The following LPCAT2 variants were observed in gnomAD, a reference collection of about 807,000 sequenced individuals.
The protein encoded by LPCAT2 is 1-AGP acyltransferase 11.
LPCAT2 carries 58 observed loss-of-function variants against 64.7 expected under a neutral mutation model. The observed-to-expected ratio is 0.90, with a 90% CI of 0.73 to 1.12. The LOEUF (loss-of-function observed/expected upper bound fraction) is 1.12. Among genes scored for constraint, LPCAT2 ranks in the 50% most tolerant of loss-of-function variants. The pLI is 0.00. For missense variants in LPCAT2, 579 were observed against 669.8 expected (o/e 0.86, Z 1.50); for synonymous variants, 252 against 245.3 (o/e 1.03, Z -0.26).
In LPCAT2 at chr16:55,564,265, G is replaced by C. The variant is rs189938548; in HGVS notation, c.1216-10366G>C. Among the ~76,000 whole-genome samples the C allele has an allele frequency of 1.7e-3, 252 of 151,980 alleles. 2 individuals carry two copies. The highest frequency in any genetic ancestry group is 5.8e-3 in the African/African-American group (239 of 41,554). On this transcript the variant is annotated intron_variant, in intron 11 of 13. Transcript: ENST00000262134. ...GATTAGAAGACAATATTAAGAGTCA[G>C]TACTTCCCACAGTGATCTACAGATT...
At chr16:55,541,796 A>C (rs559449101) in intron 8 of LPCAT2, 14 of 1,114,766 alleles carry the variant, frequency 1.3e-5, no homozygotes, top group Non-Finnish European at 1.5e-5. Context: ...GCACATAGTA[A>C]GTGTTCAATA....
chr16:55,541,823 TTCTG>T, intron 8 of LPCAT2: 1 of 1,277,940 alleles, frequency 7.8e-7, no homozygotes, highest in South Asian at 1.3e-5. Context: ...AACTTTTACT[TTCTG>T]TCTCATCTAG....
chr16:55,547,667 C>A (rs998044164), intron 9 of LPCAT2, among the ~76,000 whole-genome samples: 1 of 152,054 alleles, frequency 6.6e-6, no homozygotes, highest in African/African-American at 2.4e-5. Context: ...TGTTATAAGT[C>A]CCAAAATATT....
At chr16:55,570,415 G>C (rs1179684232) in intron 11 of LPCAT2, among the ~76,000 whole-genome samples, 1 of 152,114 alleles carries the variant, frequency 6.6e-6, no homozygotes, top group Non-Finnish European at 1.5e-5. Context: ...TTTGAGCCCA[G>C]TAGTTCAAGA....
chr16:55,519,617 G>A (rs904820637), intron 1 of LPCAT2, among the ~76,000 whole-genome samples: 2 of 152,062 alleles, frequency 1.3e-5, no homozygotes, highest in Non-Finnish European at 2.9e-5. Context: ...AAGAGCACTG[G>A]AAATGGTAAA....
intron 7 of LPCAT2, 39 bp downstream of exon 7, chr16:55,534,516 T>TA (rs1442917089): frequency 1.0e-6 from 1 of 984,500 alleles, no homozygotes; most frequent in East Asian, 2.6e-5. Flanking sequence ...ATATAAATTT[T>TA]ATTTTAGTGA....
intron 9 of LPCAT2, among the ~76,000 whole-genome samples, chr16:55,547,314 G>C (rs1383016763): frequency 1.3e-5 from 2 of 152,174 alleles, no homozygotes; most frequent in Non-Finnish European, 2.9e-5. Context: ...TTGATTAGCT[G>C]CACAACTTTG....
chr16:55,572,758 C>A (rs1963784791), intron 11 of LPCAT2, among the ~76,000 whole-genome samples: 1 of 152,118 alleles, frequency 6.6e-6, no homozygotes, highest in African/African-American at 2.4e-5. Context: ...GAGTTCAAGC[C>A]TGTAGTGCGC....
chr16:55,554,292 C>A (rs1272005776), intron 11 of LPCAT2, among the ~76,000 whole-genome samples: 2 of 152,146 alleles, frequency 1.3e-5, no homozygotes, highest in Non-Finnish European at 2.9e-5. Context: ...CATTAAAAGG[C>A]CATTTCATCT....
At chr16:55,513,800 G>T (rs1451433073) in intron 1 of LPCAT2, among the ~76,000 whole-genome samples, 1 of 152,128 alleles carries the variant, frequency 6.6e-6, no homozygotes, top group East Asian at 1.9e-4. Flanking sequence ...GTCATTACTG[G>T]TCAGTCTGGT....
chr16:55,530,045 G>A lies in LPCAT2; in HGVS notation c.642+98G>A, dbSNP rs2142380492. 7.5e-6 allele frequency: 6 copies of A among 802,712 alleles called. No homozygotes were observed. In the South Asian group the frequency reaches 1.1e-4, roughly 14 times the overall value. The allele number at this position is 802,712 out of a possible 1,614,324, so 49.7% of individuals were successfully genotyped here. A position where few individuals can be genotyped will look rare whatever the true frequency, so the allele number is the denominator to read the frequency against. On this transcript the variant is annotated intron_variant, in intron 4 of 13. Coordinates refer to ENST00000262134, the MANE Select transcript of LPCAT2 (RefSeq NM_017839.5). ...GGATCCACAGATAGCAATATCTGTG[G>A]ACACCTATACTAGGTATTGTTAGCA...
chr16:55,559,932 A>G (rs1247193333), intron 11 of LPCAT2, among the ~76,000 whole-genome samples: 1 of 152,124 alleles, frequency 6.6e-6, no homozygotes, highest in African/African-American at 2.4e-5. Context: ...AGTATTTTCT[A>G]TGTCTGAGTG....
At chr16:55,524,320 G>A (rs1963138599) in intron 1 of LPCAT2, among the ~76,000 whole-genome samples, 1 of 151,946 alleles carries the variant, frequency 6.6e-6, no homozygotes, top group Non-Finnish European at 1.5e-5. Flanking sequence ...AATGCATGAT[G>A]TATGATTCCA....
At chr16:55,536,936 T>C (rs1264051691) in intron 7 of LPCAT2, among the ~76,000 whole-genome samples, 1 of 152,170 alleles carries the variant, frequency 6.6e-6, no homozygotes, top group African/African-American at 2.4e-5. Flanking sequence ...AACTAAAACA[T>C]TTATTAATAA....
At position 55,532,883 on chromosome 16, in the gene LPCAT2, G is replaced by C; in HGVS notation, c.762+1G>C. The C allele has an allele frequency of 6.2e-7, 1 of 1,610,694 alleles. No individual in the cohort carries two copies. Among genetic ancestry groups the C allele is most frequent in the Non-Finnish European group, 8.5e-7 (1 of 1,177,584 alleles). ...CCTCCTCAGATACCCAAACAAGCTG[G>C]TAAGCACAGTATTTTACCACAGGAA... On this transcript the variant is annotated splice_donor_variant, in intron 6 of 13. Transcript: ENST00000262134. LOFTEE classifies it high-confidence loss of function.
At chr16:55,512,519 A>G (rs1412573112) in intron 1 of LPCAT2, among the ~76,000 whole-genome samples, 8 of 152,150 alleles carry the variant, frequency 5.3e-5, no homozygotes, top group Non-Finnish European at 7.3e-5. Context: ...GACATGATAT[A>G]TCAGAGCACA....
At chr16:55,566,685 C>T in intron 11 of LPCAT2, 2 of 1,500,424 alleles carry the variant, frequency 1.3e-6, no homozygotes, top group African/African-American at 2.8e-5. Flanking sequence ...ATGTAAACTA[C>T]TTGAACTCCA....
chr16:55,562,489 A>G (rs1963647266), intron 11 of LPCAT2, among the ~76,000 whole-genome samples: 1 of 151,960 alleles, frequency 6.6e-6, no homozygotes, highest in Non-Finnish European at 1.5e-5. Context: ...TACCTTATCT[A>G]AAATACATTT....
At chr16:55,554,506 C>T (rs1240740189) in intron 11 of LPCAT2, among the ~76,000 whole-genome samples, 1 of 152,184 alleles carries the variant, frequency 6.6e-6, no homozygotes, top group Non-Finnish European at 1.5e-5. Flanking sequence ...AGAGTTAGAG[C>T]CTTATTCTGG....
Sources: gnomAD v4.1 joint callset for allele counts (sites outside exome capture counted in the v4.1 genomes callset) on GRCh38, gnomAD v4.1.1 for gene constraint, MANE v1.5 for transcripts, NCBI Gene and HGNC (gene_info 2026-07-23, HGNC 2026-07-21) for gene names.